Variants in DGKB observed in about 807,000 individuals in gnomAD.
The protein encoded by DGKB is 90 kDa diacylglycerol kinase.
In DGKB, 67 loss-of-function variants were observed where a neutral mutation model predicts 114.3. The ratio of observed to expected loss-of-function variants is 0.59; its 90% CI spans 0.48 to 0.72. The LOEUF is 0.72. Ranked by LOEUF, DGKB falls within the 30% of genes least tolerant of loss-of-function variation. The pLI is 0.00. For missense variants in DGKB, 907 were observed against 975.2 expected, an observed-to-expected ratio of 0.93 and a Z score of 0.93; for synonymous variants, 398 against 323.1, an observed-to-expected ratio of 1.23 and a Z score of -2.49.
chr7:14,567,069 T>C (rs1797501027), intron 20 of DGKB, among the ~76,000 whole-genome samples: 2 of 126,748 alleles, frequency 1.6e-5, no homozygotes, highest in South Asian at 2.2e-4. Flanking sequence ...ATGACCTGTA[T>C]ATATATATAT....
At chr7:14,765,484 T>C (rs1378676933) in intron 2 of DGKB, among the ~76,000 whole-genome samples, 1 of 152,042 alleles carries the variant, frequency 6.6e-6, no homozygotes, top group East Asian at 1.9e-4. Flanking sequence ...TTGTTAATCC[T>C]CTTAAACATC....
chr7:14,742,763 T>C (rs921815310), intron 4 of DGKB, among the ~76,000 whole-genome samples: 1 of 152,190 alleles, frequency 6.6e-6, no homozygotes, highest in Non-Finnish European at 1.5e-5. Flanking sequence ...TTATAACATG[T>C]AATTGAGACC....
chr7:14,856,931 G>A (rs1174146219), intron 1 of DGKB, among the ~76,000 whole-genome samples: 1 of 152,048 alleles, frequency 6.6e-6, no homozygotes, highest in East Asian at 1.9e-4. Context: ...GCACCCATGA[G>A]TCACCCCTAA....
chr7:14,704,446 T>TAAAA (rs1825800920), intron 6 of DGKB, among the ~76,000 whole-genome samples: 2 of 78,332 alleles, frequency 2.6e-5, no homozygotes, highest in Admixed American at 1.6e-4. Context: ...AGACTCCATC[T>TAAAA]CAAAAAAAAA....
intron 23 of DGKB, among the ~76,000 whole-genome samples, chr7:14,254,391 G>A (rs1027900643): frequency 2.0e-5 from 3 of 152,124 alleles, no homozygotes; most frequent in Non-Finnish European, 4.4e-5. Context: ...GATATCACAT[G>A]ATAGAACATA....
chr7:14,915,246 T>C (rs969227773), intron 1 of DGKB, among the ~76,000 whole-genome samples: 2 of 152,070 alleles, frequency 1.3e-5, no homozygotes, highest in Admixed American at 6.6e-5. Context: ...TGGTGACACA[T>C]GTCTCTAGTC....
intron 4 of DGKB, among the ~76,000 whole-genome samples, chr7:14,744,463 T>G (rs909810994): frequency 2.0e-5 from 3 of 152,070 alleles, no homozygotes; most frequent in African/African-American, 7.2e-5. Context: ...CTGTAATGAG[T>G]AAAGAATGTC....
intron 23 of DGKB, among the ~76,000 whole-genome samples, chr7:14,179,357 C>T (rs771944580): frequency 9.9e-5 from 15 of 152,236 alleles, no homozygotes; most frequent in Non-Finnish European, 1.5e-4. Flanking sequence ...TTGTAATATT[C>T]TTATGTGTTT....
chr7:14,823,137 CTA>C (rs1294249383), intron 2 of DGKB, among the ~76,000 whole-genome samples: 1 of 151,396 alleles, frequency 6.6e-6, no homozygotes, highest in Non-Finnish European at 1.5e-5. Context: ...GTTAAAAAAA[CTA>C]TTCAAAATTT....
Position 14,652,345 on chromosome 7 carries a change from G to A in DGKB, c.1134+20584C>T, listed in dbSNP as rs540503269. Among the ~76,000 whole-genome samples the A allele has an allele frequency of 2.3e-3, 348 of 152,018 alleles. 1 individual carries two copies. The highest frequency in any genetic ancestry group is 4.0e-3 in the Non-Finnish European group (270 of 67,952). On this transcript the variant is annotated intron_variant, in intron 13 of 25. Coordinates refer to ENST00000402815, the MANE Select transcript of DGKB (RefSeq NM_001350709.2). The stretch of plus-strand genomic sequence containing the variant: ...GAACAGAGCCCTCAGAAATAACGCC[G>A]CATATCTACAACTATCCGATCTTTG...
chr7:14,207,389 G>T (rs1258437461), intron 23 of DGKB, among the ~76,000 whole-genome samples: 2 of 152,042 alleles, frequency 1.3e-5, no homozygotes, highest in Non-Finnish European at 2.9e-5. Flanking sequence ...GGCAGAAACA[G>T]TTCTGGCCAG....
chr7:14,713,608 G>A (rs532374759), intron 6 of DGKB, among the ~76,000 whole-genome samples: 48 of 148,950 alleles, frequency 3.2e-4, no homozygotes, highest in Non-Finnish European at 5.2e-4. Flanking sequence ...AACTGGTGGT[G>A]TAATTAATAA....
intron 25 of DGKB, among the ~76,000 whole-genome samples, chr7:14,160,284 G>A (rs546388384): frequency 6.6e-6 from 1 of 152,082 alleles, no homozygotes; most frequent in Non-Finnish European, 1.5e-5. Flanking sequence ...GGAGAATCAG[G>A]CAAGAGAAAG....
At chr7:14,517,027 G>C (rs1788916594) in intron 20 of DGKB, among the ~76,000 whole-genome samples, 1 of 152,116 alleles carries the variant, frequency 6.6e-6, no homozygotes, top group African/African-American at 2.4e-5. Flanking sequence ...AACAAAGCTG[G>C]AGGTGTCACA....
At chr7:14,335,584 A>G (rs1487193416) in intron 23 of DGKB, among the ~76,000 whole-genome samples, 1 of 152,210 alleles carries the variant, frequency 6.6e-6, no homozygotes, top group Non-Finnish European at 1.5e-5. Context: ...TCTAACAGTG[A>G]AAGTTATTAA....
chr7:14,746,100 A>G (rs1833246463), intron 4 of DGKB, among the ~76,000 whole-genome samples: 1 of 152,158 alleles, frequency 6.6e-6, no homozygotes, highest in African/African-American at 2.4e-5. Context: ...GCACTTTGGG[A>G]GGCTGAGGCA....
intron 1 of DGKB, among the ~76,000 whole-genome samples, chr7:14,845,900 C>T (rs528875469): frequency 2.6e-5 from 4 of 151,536 alleles, no homozygotes; most frequent in South Asian, 2.1e-4. Flanking sequence ...TTATTTCACA[C>T]ATTTTGTGAA....
intron 21 of DGKB, among the ~76,000 whole-genome samples, chr7:14,360,339 G>C (rs2128628492): frequency 6.6e-6 from 1 of 152,090 alleles, no homozygotes; most frequent in East Asian, 1.9e-4. Context: ...GGGAGAGATA[G>C]CTTTAGGAGA....
intron 1 of DGKB, among the ~76,000 whole-genome samples, chr7:14,936,511 T>C (rs548147814): frequency 8.5e-5 from 13 of 152,278 alleles, no homozygotes; most frequent in African/African-American, 3.1e-4. Flanking sequence ...TCTATTTCTT[T>C]ACCAATCCTT....
Sources: gnomAD v4.1 joint callset for allele counts (sites outside exome capture counted in the v4.1 genomes callset) on GRCh38, gnomAD v4.1.1 for gene constraint, MANE v1.5 for transcripts, NCBI Gene and HGNC (gene_info 2026-07-23, HGNC 2026-07-21) for gene names.